The following EPHA3 variants were observed in gnomAD, a reference collection of about 807,000 sequenced individuals.
The protein encoded by EPHA3 is ephrin type-A receptor 3.
Under a neutral mutation model 107.1 loss-of-function variants are expected in EPHA3, and 42 were observed. The observed-to-expected ratio is 0.39, with a 90% CI of 0.31 to 0.51. The LOEUF is 0.51. Ranked by LOEUF, EPHA3 falls within the 20% of genes least tolerant of loss-of-function variation. The pLI is 0.78. For missense variants in EPHA3, 1,183 were observed against 1,211.2 expected (o/e 0.98, Z 0.35); for synonymous variants, 461 against 424.8 (o/e 1.09, Z -1.05).
intron 1 of EPHA3, among the ~76,000 whole-genome samples, chr3:89,116,759 C>T (rs1347776135): frequency 3.4e-5 from 5 of 148,474 alleles, no homozygotes; most frequent in Admixed American, 6.7e-5. Context: ...GGTGGTTAAC[C>T]AAAGAGTTAG....
At chr3:89,172,421 C>T (rs1157362029) in intron 2 of EPHA3, among the ~76,000 whole-genome samples, 1 of 152,162 alleles carries the variant, frequency 6.6e-6, no homozygotes, top group African/African-American at 2.4e-5. Flanking sequence ...AACTGACAGA[C>T]AATTTAACCT....
chr3:89,115,683 T>A (rs1452074566), intron 1 of EPHA3, among the ~76,000 whole-genome samples: 1 of 152,224 alleles, frequency 6.6e-6, no homozygotes, highest in Non-Finnish European at 1.5e-5. Context: ...CATTCACGAC[T>A]TACTGAACCT....
chr3:89,270,704 T>G (rs1467938708), intron 3 of EPHA3, among the ~76,000 whole-genome samples: 2 of 151,906 alleles, frequency 1.3e-5, no homozygotes, highest in Non-Finnish European at 2.9e-5. Flanking sequence ...ATATTATTTC[T>G]TCAAAATTTC....
intron 5 of EPHA3, among the ~76,000 whole-genome samples, chr3:89,342,896 A>ACACACAC (rs1559654817): frequency 3.1e-5 from 4 of 130,718 alleles, no homozygotes; most frequent in African/African-American, 1.3e-4. Context: ...CACACACACA[A>ACACACAC]ACATTGGAGC....
intron 15 of EPHA3, among the ~76,000 whole-genome samples, chr3:89,460,830 T>TTTTTTTTTTTTTTTTC (rs1710218875): frequency 7.3e-6 from 1 of 136,246 alleles, no homozygotes. Flanking sequence ...TCTCTTTTTT[T>TTTTTTTTTTTTTTTTC]TTTTTTTTAT....
At chr3:89,352,251 C>T (rs1707843588) in intron 5 of EPHA3, among the ~76,000 whole-genome samples, 1 of 151,276 alleles carries the variant, frequency 6.6e-6, no homozygotes, top group Non-Finnish European at 1.5e-5. Context: ...AGATAAACGC[C>T]TTCCTTTCTT....
intron 5 of EPHA3, among the ~76,000 whole-genome samples, chr3:89,388,537 A>G (rs1239792635): frequency 6.6e-6 from 1 of 152,198 alleles, no homozygotes; most frequent in Middle Eastern, 3.2e-3. Flanking sequence ...CCAGGTGGAA[A>G]AGAGAGAGAT....
At chr3:89,258,368 T>C (rs1396200363) in intron 3 of EPHA3, among the ~76,000 whole-genome samples, 1 of 152,184 alleles carries the variant, frequency 6.6e-6, no homozygotes, top group African/African-American at 2.4e-5. Context: ...GAGAAATTTG[T>C]GGCCTATATA....
At chr3:89,179,367 AG>A (rs1443966925) in intron 2 of EPHA3, among the ~76,000 whole-genome samples, 3 of 152,042 alleles carry the variant, frequency 2.0e-5, no homozygotes, top group African/African-American at 7.2e-5. Flanking sequence ...TTTAAAAAGG[AG>A]GGGAACTTTT....
chr3:89,398,036 T>A (rs1043545358), intron 6 of EPHA3, among the ~76,000 whole-genome samples: 13 of 152,218 alleles, frequency 8.5e-5, no homozygotes, highest in Non-Finnish European at 1.8e-4. Flanking sequence ...AATTTAAAAA[T>A]TAATTCTAAA....
intron 3 of EPHA3, among the ~76,000 whole-genome samples, chr3:89,284,279 A>G (rs1021302065): frequency 6.6e-6 from 1 of 152,188 alleles, no homozygotes. Context: ...TTTTTAATAG[A>G]CTCAGGTAGA....
intron 2 of EPHA3, among the ~76,000 whole-genome samples, chr3:89,138,226 C>T (rs954854837): frequency 2.0e-5 from 3 of 151,602 alleles, no homozygotes; most frequent in African/African-American, 7.3e-5. Flanking sequence ...GACGCGTTTC[C>T]CTGGCAACTT....
intron 5 of EPHA3, among the ~76,000 whole-genome samples, chr3:89,367,882 G>T (rs1708214532): frequency 6.6e-6 from 1 of 150,690 alleles, no homozygotes; most frequent in African/African-American, 2.4e-5. Flanking sequence ...TAGGGCTACA[G>T]AATCGTTTAT....
At chr3:89,358,167 AGGATAGTCT>A (rs2043496744) in intron 5 of EPHA3, among the ~76,000 whole-genome samples, 2 of 151,186 alleles carry the variant, frequency 1.3e-5, no homozygotes, top group Non-Finnish European at 3.0e-5. Flanking sequence ...ATATTTGAAC[AGGATAGTCT>A]TTTTCTTAAC....
At chr3:89,424,085 C>G (rs1208365489) in intron 11 of EPHA3, among the ~76,000 whole-genome samples, 1 of 151,316 alleles carries the variant, frequency 6.6e-6, no homozygotes, top group Non-Finnish European at 1.5e-5. Context: ...CCAAACTATA[C>G]AGCTATTATC....
chr3:89,243,201 G>T (rs945183695), intron 3 of EPHA3, among the ~76,000 whole-genome samples: 1 of 151,986 alleles, frequency 6.6e-6, no homozygotes, highest in Non-Finnish European at 1.5e-5. Context: ...TGTGAATAGT[G>T]CCGCGATAAA....
chr3:89,330,923 TTCCTC>T (rs1338821741), intron 3 of EPHA3, among the ~76,000 whole-genome samples: 4 of 152,124 alleles, frequency 2.6e-5, no homozygotes, highest in African/African-American at 9.7e-5. Flanking sequence ...AATTATAAAT[TTCCTC>T]CATGTTGCAT....
chr3:89,151,058 C>T (rs376967814), intron 2 of EPHA3, among the ~76,000 whole-genome samples: 9 of 151,954 alleles, frequency 5.9e-5, no homozygotes, highest in African/African-American at 2.2e-4. Context: ...GAAGTCTGAT[C>T]TTTTAAGTCT....
chr3:89,298,317 C>G (rs988343605), intron 3 of EPHA3, among the ~76,000 whole-genome samples: 2 of 152,136 alleles, frequency 1.3e-5, no homozygotes, highest in African/African-American at 4.8e-5. Context: ...CAAAAAAACT[C>G]TAGTCATCTT....
Sources: gnomAD v4.1 joint callset for allele counts (sites outside exome capture counted in the v4.1 genomes callset) on GRCh38, gnomAD v4.1.1 for gene constraint, MANE v1.5 for transcripts, NCBI Gene and HGNC (gene_info 2026-07-23, HGNC 2026-07-21) for gene names.